Variants in CDH3 observed in about 807,000 individuals in gnomAD.
CDH3 encodes cadherin 3.
A neutral mutation model predicts 82.0 loss-of-function variants in CDH3; 54 were observed. The ratio of observed to expected loss-of-function variants is 0.66; its 90% CI spans 0.53 to 0.83. The LOEUF (loss-of-function observed/expected upper bound fraction) is 0.83, where lower values mean the gene tolerates loss of function less well. CDH3 is among the 40% of genes least tolerant of loss of function. The pLI, the probability that CDH3 is intolerant of heterozygous loss-of-function variation, is 0.00. For missense variants in CDH3, 1,054 were observed against 1,084.6 expected (o/e 0.97, Z 0.40); for synonymous variants, 446 against 437.9 (o/e 1.02, Z -0.23).
Position 68,684,788 on chromosome 16 carries a change from C to G in CDH3, c.1388C>G (p.Thr463Ser). ...IPTGEPVCVYTAEDPDKENQK... is the reference protein window; with the variant it reads ...IPTGEPVCVYSAEDPDKENQK... The stretch of plus-strand genomic sequence containing the variant: ...ACTGGGGAGCCTGTGTGTGTCTACA[C>G]TGCAGAAGACCCTGACAAGGAGAAT... The change falls in exon 10 of 16, where the codon ACT becomes AGT. Residue 463 changes from threonine (T) to serine (S), a missense_variant. Coordinates refer to ENST00000264012, the MANE Select transcript of CDH3 (RefSeq NM_001793.6). 6.2e-7 allele frequency: 1 copy of G among 1,614,212 alleles called. No homozygotes were observed. Among genetic ancestry groups the G allele is most frequent in the Non-Finnish European group, 8.5e-7 (1 of 1,180,032 alleles).
chr16:68,719,601 G>A (rs1597830654), intron 1 of CDH3, among the ~76,000 whole-genome samples: 1 of 139,260 alleles, frequency 7.2e-6, no homozygotes, highest in East Asian at 2.3e-4. Context: ...TCTGCCTCCC[G>A]GGTTCAAGCA....
chr16:68,697,669 G>C (rs1961770199), intron 15 of CDH3, among the ~76,000 whole-genome samples: 1 of 152,154 alleles, frequency 6.6e-6, no homozygotes, highest in African/African-American at 2.4e-5. Flanking sequence ...TTAAGTTTCG[G>C]AACTACTGAC....
chr16:68,681,163 A>G lies in CDH3; in HGVS notation c.996+67A>G, dbSNP rs1961218304. 4.4e-6 allele frequency: 7 copies of G among 1,573,606 alleles called. No individual in the cohort carries two copies. In the African/African-American group the frequency reaches 6.7e-5, roughly 15 times the overall value. ...GGACCAAAGTTTGCCTTTCTCAGGA[A>G]ACTGGAACCAGTCTATATTGCTTCA... is the stretch of plus-strand genomic sequence containing the variant. On this transcript the variant is annotated intron_variant, in intron 8 of 15. Transcript: ENST00000264012.
At chr16:68,649,047 T>C (rs1037085745) in intron 2 of CDH3, among the ~76,000 whole-genome samples, 2 of 152,050 alleles carry the variant, frequency 1.3e-5, no homozygotes, top group African/African-American at 4.8e-5. Flanking sequence ...GGGGGCCACC[T>C]TCCTTCAAGT....
At chr16:68,695,729 T>C (rs1170628005) in intron 14 of CDH3, 48 bp from the exon 15 acceptor site, 97 of 1,604,374 alleles carry the variant, frequency 6.0e-5, no homozygotes, top group Non-Finnish European at 8.2e-5. Flanking sequence ...GGCAGGGGAG[T>C]GGGGGACAGG....
chr16:68,694,916 A>G (rs575986628), intron 13 of CDH3, among the ~76,000 whole-genome samples: 1 of 152,150 alleles, frequency 6.6e-6, no homozygotes, highest in African/African-American at 2.4e-5. Context: ...GAGAGCTGAC[A>G]TGTGGGAGCC....
downstream of CDH3, among the ~76,000 whole-genome samples, chr16:68,729,098 A>T (rs1962257262): frequency 6.6e-6 from 1 of 152,088 alleles, no homozygotes; most frequent in African/African-American, 2.4e-5. Flanking sequence ...TGAGGTCAGG[A>T]GTTCGAGACC....
intron 13 of CDH3, 62 bp downstream of exon 13, chr16:68,691,988 T>C: frequency 2.2e-6 from 3 of 1,386,504 alleles, no homozygotes; most frequent in Non-Finnish European, 3.0e-6. Flanking sequence ...GGATTCTACC[T>C]TGAGCTTTAA....
exon 2 of CDH3, chr16:68,722,488 C>G (rs1962175408): frequency 6.6e-6 from 1 of 152,412 alleles, no homozygotes. Flanking sequence ...CAGTCTGGAT[C>G]CAGCCTGGCC....
At chr16:68,681,293 G>A (rs1448554076) in intron 8 of CDH3, among the ~76,000 whole-genome samples, 197 bp downstream of exon 8, 2 of 152,182 alleles carry the variant, frequency 1.3e-5, no homozygotes, top group Non-Finnish European at 2.9e-5. Flanking sequence ...AATACCTGCT[G>A]CATTGTTCTG....
chr16:68,718,694 A>T (rs1426662189), intron 1 of CDH3, among the ~76,000 whole-genome samples: 2 of 152,126 alleles, frequency 1.3e-5, no homozygotes, highest in Admixed American at 6.6e-5. Context: ...AAAAATAAAA[A>T]TAAAAAAGGA....
At chr16:68,727,573 C>A (rs569402322), downstream of CDH3, among the ~76,000 whole-genome samples, 1 of 152,106 alleles carries the variant, frequency 6.6e-6, no homozygotes, top group Admixed American at 6.6e-5. Context: ...GCCAGGGGTT[C>A]ACAACTAGCC....
intron 2 of CDH3, among the ~76,000 whole-genome samples, chr16:68,650,046 A>G (rs969293275): frequency 4.0e-5 from 6 of 151,852 alleles, no homozygotes; most frequent in Non-Finnish European, 8.8e-5. Flanking sequence ...AGAAAAAAAA[A>G]AAACCTGAGG....
At position 68,661,410 on chromosome 16, in the gene CDH3, A is replaced by G. The variant is rs578020691; in HGVS notation, c.161-14975A>G. 2.0e-5 allele frequency among the ~76,000 whole-genome samples: 3 copies of G among 152,186 alleles called. No individual in the cohort carries two copies. The South Asian group carries it at 6.2e-4, about 31-fold the overall frequency. The stretch of plus-strand genomic sequence containing the variant: ...TGGGGATCTCATATGGTTATGGTGA[A>G]GATTAAATGAGTTTGTGTATGAAAC... On this transcript the variant is annotated intron_variant, in intron 2 of 15. Coordinates refer to ENST00000264012, the MANE Select transcript of CDH3 (RefSeq NM_001793.6).
Position 68,654,509 on chromosome 16 carries a change from C to T in CDH3, c.160+8759C>T, listed in dbSNP as rs1819921634. Among the ~76,000 whole-genome samples the T allele has an allele frequency of 5.4e-5, 7 of 130,634 alleles. No individual in the cohort carries two copies. The South Asian group carries it at 1.7e-3, about 32-fold the overall frequency. 85.7% of individuals were successfully genotyped at this position (130,634 alleles called of 152,430 possible). ...CCTGAGGTCAAGAGTTCGAGACCAG[C>T]CTGGCCAACATGGTGAAACCCTGTC... On this transcript the variant is annotated intron_variant, in intron 2 of 15. Transcript: ENST00000264012.
intron 1 of CDH3, 46 bp downstream of exon 1, chr16:68,645,470 G>GGGGC: frequency 2.5e-6 from 4 of 1,600,126 alleles, no homozygotes; most frequent in Non-Finnish European, 3.4e-6. Flanking sequence ...CGCTCCCTGG[G>GGGGC]GGGCGGGCGG....
chr16:68,706,291 G>A (rs1215473216), intron 1 of CDH3, among the ~76,000 whole-genome samples: 1 of 152,024 alleles, frequency 6.6e-6, no homozygotes, highest in East Asian at 1.9e-4. Flanking sequence ...GCCTCCGTGG[G>A]GAGGGTGAGT....
At chr16:68,714,395 C>A (rs1047651803) in intron 1 of CDH3, among the ~76,000 whole-genome samples, 1 of 152,226 alleles carries the variant, frequency 6.6e-6, no homozygotes, top group African/African-American at 2.4e-5. Context: ...TCACCACATT[C>A]CCAGCAAAGG....
exon 3 of CDH3, among the ~76,000 whole-genome samples, chr16:68,727,340 T>C (rs974306563): frequency 7.9e-5 from 12 of 152,194 alleles, no homozygotes; most frequent in Admixed American, 3.3e-4. Flanking sequence ...CTAGGACTTC[T>C]CAGCCTCCAT....
Sources: allele counts gnomAD v4.1 joint callset (sites outside exome capture counted in the v4.1 genomes callset), GRCh38; gene constraint gnomAD v4.1.1; transcripts MANE v1.5; gene names NCBI Gene and HGNC (gene_info 2026-07-23, HGNC 2026-07-21).